Variants in GYS2 observed in about 807,000 individuals in gnomAD.
The protein encoded by GYS2 is glycogen [starch] synthase, liver.
GYS2 carries 80 observed loss-of-function variants against 85.6 expected under a neutral mutation model. The ratio of observed to expected loss-of-function variants is 0.93; its 90% CI spans 0.78 to 1.13. The LOEUF (loss-of-function observed/expected upper bound fraction) is 1.13, where lower values mean the gene tolerates loss of function less well. GYS2 is among the 50% of genes most tolerant of loss of function. The probability of loss-of-function intolerance (pLI) is 0.00; values close to 1 mark genes in which losing one functional copy is unlikely to be tolerated. For missense variants in GYS2, 881 were observed against 854.9 expected (o/e 1.03, Z -0.38); for synonymous variants, 328 against 300.7 (o/e 1.09, Z -0.94).
At chr12:21,545,670 A>C (rs895629759) in intron 12 of GYS2, among the ~76,000 whole-genome samples, 2 of 152,220 alleles carry the variant, frequency 1.3e-5, no homozygotes, top group African/African-American at 4.8e-5. Context: ...TACATAGTAA[A>C]CCTGAGAAAC....
chr12:21,602,381 G>C (rs533910125), intron 1 of GYS2, among the ~76,000 whole-genome samples: 3 of 152,108 alleles, frequency 2.0e-5, no homozygotes, highest in Non-Finnish European at 4.4e-5. Context: ...GGAGGAGTGG[G>C]ATTCATGATC....
At chr12:21,562,771 T>C (rs1211936150) in intron 7 of GYS2, 147 bp downstream of exon 7, 2 of 781,700 alleles carry the variant, frequency 2.6e-6, no homozygotes, top group African/African-American at 1.8e-5. Flanking sequence ...AACTCCAATA[T>C]GTAAATTGAA....
At chr12:21,543,651 T>C (rs543741491) in intron 12 of GYS2, among the ~76,000 whole-genome samples, 38 of 152,246 alleles carry the variant, frequency 2.5e-4, no homozygotes, top group South Asian at 8.3e-4. Context: ...TAGGTATACA[T>C]GTGCTATGGT....
At position 21,539,258 on chromosome 12, in the gene GYS2, C is replaced by T. The variant is rs1440407543; in HGVS notation, c.1890G>A (p.Thr630=). Residue 630 remains threonine, a splice_region_variant and synonymous_variant, in exon 15 of 16, where the codon ACG becomes ACA. Transcript: ENST00000261195. ...KFHVELTSPP[T]TEGFKYPRPS... The stretch of plus-strand genomic sequence containing the variant: ...AAAAAAAAATACATTGAATATTTAC[C>T]GTTGGTGGTGATGTTAGTTCCACAT... 1.3e-6 allele frequency: 2 copies of T among 1,515,650 alleles called. No homozygotes were observed. Among genetic ancestry groups the T allele is most frequent in the Middle Eastern group, 1.7e-4 (1 of 5,718 alleles). 93.9% of individuals were successfully genotyped at this position (1,515,650 alleles called of 1,614,324 possible). A position where few individuals can be genotyped will look rare whatever the true frequency, so the allele number is the denominator to read the frequency against.
At chr12:21,569,061 C>G in intron 4 of GYS2, 52 bp from the exon 5 acceptor site, 1 of 1,584,338 alleles carries the variant, frequency 6.3e-7, no homozygotes, top group Non-Finnish European at 8.7e-7. Context: ...CCCTTCTACA[C>G]AAGCTAAACA....
intron 1 of GYS2, among the ~76,000 whole-genome samples, chr12:21,595,105 C>A (rs1341501439): frequency 6.6e-6 from 1 of 152,122 alleles, no homozygotes; most frequent in Non-Finnish European, 1.5e-5. Context: ...TTTGTTCCCT[C>A]CAAATCTCAT....
chr12:21,598,254 C>G (rs758430254), intron 1 of GYS2, among the ~76,000 whole-genome samples: 25 of 151,980 alleles, frequency 1.6e-4, no homozygotes, highest in Non-Finnish European at 3.4e-4. Context: ...ATGAATACCC[C>G]AAATACCTGA....
chr12:21,563,180 T>A, intron 6 of GYS2, 48 bp downstream of exon 6: 1 of 1,230,444 alleles, frequency 8.1e-7, no homozygotes, highest in Non-Finnish European at 1.2e-6. Flanking sequence ...CTACCAAAGA[T>A]CACTCATATC....
At chr12:21,543,716 G>A (rs1429796981) in intron 12 of GYS2, among the ~76,000 whole-genome samples, 1 of 152,038 alleles carries the variant, frequency 6.6e-6, no homozygotes, top group Non-Finnish European at 1.5e-5. Flanking sequence ...CATGCATTAG[G>A]TATTTGTCCT....
intron 12 of GYS2, among the ~76,000 whole-genome samples, chr12:21,544,013 T>G (rs1944009636): frequency 6.6e-6 from 1 of 152,200 alleles, no homozygotes; most frequent in South Asian, 2.1e-4. Context: ...CCCATGAAGT[T>G]TAGTATATGT....
chr12:21,557,471 A>G lies in GYS2; in HGVS notation c.1422+729T>C, dbSNP rs958589021. 4.6e-5 allele frequency among the ~76,000 whole-genome samples: 7 copies of G among 152,354 alleles called. No homozygotes were observed. The South Asian group carries it at 1.0e-3, about 23-fold the overall frequency. ...ATTTTATAAAAACATTATCAGCCAC[A>G]TTCTCTGAAACTGGAAGTTCCTCAT... On this transcript the variant is annotated intron_variant, in intron 11 of 15. Coordinates refer to ENST00000261195, the MANE Select transcript of GYS2 (RefSeq NM_021957.4).
chr12:21,597,625 T>C (rs1422640420), intron 1 of GYS2, among the ~76,000 whole-genome samples: 1 of 152,126 alleles, frequency 6.6e-6, no homozygotes, highest in East Asian at 1.9e-4. Context: ...ATAGCCACTA[T>C]GGAAAACAAT....
intron 2 of GYS2, among the ~76,000 whole-genome samples, chr12:21,579,405 G>A (rs567635285): frequency 6.2e-5 from 9 of 146,102 alleles, no homozygotes; most frequent in African/African-American, 2.0e-4. Flanking sequence ...CCAAGCAGGC[G>A]AGCAATGGCA....
intron 2 of GYS2, among the ~76,000 whole-genome samples, chr12:21,576,983 T>C (rs923706446): frequency 1.3e-5 from 2 of 152,122 alleles, no homozygotes; most frequent in Admixed American, 6.6e-5. Context: ...TAATATTGCT[T>C]ACATATTGAC....
At chr12:21,567,478 A>G (rs927421606) in intron 5 of GYS2, among the ~76,000 whole-genome samples, 1 of 151,854 alleles carries the variant, frequency 6.6e-6, no homozygotes, top group African/African-American at 2.4e-5. Flanking sequence ...AAAGGCTACT[A>G]TAGGTTCTTA....
chr12:21,569,283 C>T (rs1005176612), intron 4 of GYS2, among the ~76,000 whole-genome samples: 4 of 152,174 alleles, frequency 2.6e-5, no homozygotes, highest in Non-Finnish European at 5.9e-5. Context: ...ACATAGAATT[C>T]TTGAATTTTT....
chr12:21,548,184 G>C (rs1944064418), intron 11 of GYS2, among the ~76,000 whole-genome samples: 1 of 152,102 alleles, frequency 6.6e-6, no homozygotes, highest in South Asian at 2.1e-4. Context: ...TCTTTGCTGG[G>C]TCAGATATTA....
At chr12:21,546,816 T>A (rs1371200309) in intron 11 of GYS2, among the ~76,000 whole-genome samples, 1 of 152,182 alleles carries the variant, frequency 6.6e-6, no homozygotes, top group Non-Finnish European at 1.5e-5. Flanking sequence ...ATCTAATTGC[T>A]CTTGTCTTTT....
intron 1 of GYS2, among the ~76,000 whole-genome samples, chr12:21,602,470 G>T (rs1371940712): frequency 6.6e-6 from 1 of 151,966 alleles, no homozygotes; most frequent in East Asian, 1.9e-4. Flanking sequence ...AACTATAGTG[G>T]CAATGTATTA....
Sources: gnomAD v4.1 joint callset for allele counts (sites outside exome capture counted in the v4.1 genomes callset) on GRCh38, gnomAD v4.1.1 for gene constraint, MANE v1.5 for transcripts, NCBI Gene and HGNC (gene_info 2026-07-23, HGNC 2026-07-21) for gene names.